Variants in APBB1 observed in about 807,000 individuals in gnomAD.
APBB1 encodes adaptor protein FE65a2.
A neutral mutation model predicts 78.4 loss-of-function variants in APBB1; 22 were observed. That is an observed-to-expected ratio of 0.28 (90% CI 0.20 to 0.40). The LOEUF is 0.40. Ranked by LOEUF, APBB1 falls within the 10% of genes least tolerant of loss-of-function variation. The probability of loss-of-function intolerance (pLI) is 1.00; values close to 1 mark genes in which losing one functional copy is unlikely to be tolerated. For synonymous variants in APBB1, 369 were observed against 372.7 expected (o/e 0.99, Z 0.12); for missense variants, 749 against 932.4 (o/e 0.80, Z 2.56).
At chr11:6,418,920 T>C in intron 1 of APBB1, 65 bp downstream of exon 1, 1 of 376,654 alleles carries the variant, frequency 2.7e-6, no homozygotes, top group Non-Finnish European at 4.7e-6. Flanking sequence ...GGCTACAGGG[T>C]CCGCCGGCCG....
chr11:6,412,946 G>A (rs528468303), intron 1 of APBB1, among the ~76,000 whole-genome samples: 1 of 151,848 alleles, frequency 6.6e-6, no homozygotes, highest in Non-Finnish European at 1.5e-5. Flanking sequence ...ACAGCCCTTC[G>A]TGGGTCAGTT....
At chr11:6,405,139 G>A in intron 2 of APBB1, 1 of 1,262,272 alleles carries the variant, frequency 7.9e-7, no homozygotes, top group Non-Finnish European at 1.0e-6. Flanking sequence ...TTACCTCAGT[G>A]CCTAAGCCAA....
At chr11:6,412,316 G>A (rs35893315) in intron 1 of APBB1, among the ~76,000 whole-genome samples, 14,016 of 152,080 alleles carry the variant, frequency 0.092, 804 homozygotes, top group Middle Eastern at 0.17. Flanking sequence ...CCACGCCCAG[G>A]TAATTTTTGT....
intron 12 of APBB1, among the ~76,000 whole-genome samples, chr11:6,397,815 A>C (rs1848310549): frequency 6.6e-6 from 1 of 152,254 alleles, no homozygotes; most frequent in Non-Finnish European, 1.5e-5. Flanking sequence ...TCTGCTGAAG[A>C]AATTCCAGAT....
intron 8 of APBB1, 23 bp from the exon 9 acceptor site, chr11:6,402,005 G>A (rs1174482840): frequency 1.3e-6 from 2 of 1,588,484 alleles, no homozygotes; most frequent in Non-Finnish European, 8.6e-7. Flanking sequence ...GCACAAGAGA[G>A]GCAAATAACA....
In APBB1 at chr11:6,410,898, C is replaced by A; in HGVS notation, c.450G>T (p.Glu150Asp). 3.7e-6 allele frequency: 6 copies of A among 1,614,164 alleles called. No homozygotes were observed. Among genetic ancestry groups the A allele is most frequent in the Non-Finnish European group, 5.1e-6 (6 of 1,180,032 alleles). ...STQEQGPDEG[E>D]EKAAGEAEEE... ...CCTCGGCCTCCCCGGCCGCCTTCTCCTCTCCCTCATCTGGCCCCTGCTCTT... is the reference window on the plus strand; with the variant it reads ...CCTCGGCCTCCCCGGCCGCCTTCTCATCTCCCTCATCTGGCCCCTGCTCTT... Residue 150 changes from glutamate (E) to aspartate (D), a missense_variant, in exon 2 of 15, where the codon GAG (glutamate) becomes GAT (aspartate). Glu to Asp is a conservative substitution (Grantham distance 45). This residue lies in a region of APBB1 where 635 missense variants were observed against 765.0 expected (regional missense o/e 0.83). Transcript: ENST00000609360.
At chr11:6,405,647 C>T (rs1590782419) in intron 2 of APBB1, 2 of 985,858 alleles carry the variant, frequency 2.0e-6, no homozygotes, top group African/African-American at 1.7e-5. Flanking sequence ...GCTTCACCAT[C>T]CTCAGCTTCC....
chr11:6,408,987 T>G (rs1249885933), intron 2 of APBB1, among the ~76,000 whole-genome samples: 1 of 152,134 alleles, frequency 6.6e-6, no homozygotes, highest in African/African-American at 2.4e-5. Flanking sequence ...TAAAGAATTA[T>G]TATTAAATTT....
Position 6,403,111 on chromosome 11 carries a change from C to G in APBB1, c.1104+34G>C. On this transcript the variant is annotated intron_variant, in intron 6 of 14. Coordinates refer to ENST00000609360, the MANE Select transcript of APBB1 (RefSeq NM_001164.5). This position sits in a 1 kb window ranked among gnomAD's most constrained non-coding sequence, Gnocchi z 5.3. ...GGGCTGTCTGACAAATAAGAGGGCC[C>G]CAGACTCAGAATGGGTGTCAGTCTT... is the stretch of plus-strand genomic sequence containing the variant. 1 of 1,579,398 alleles carries G rather than the reference C, an allele frequency of 6.3e-7. No homozygotes were observed. The highest frequency in any genetic ancestry group is 1.2e-5 in the South Asian group (1 of 84,616).
Position 6,418,565 on chromosome 11 carries a change from C to T in APBB1, c.-15+420G>A, listed in dbSNP as rs1849177100. ...CTGGGGACACAGCCGCCCCAGGGCA[C>T]ACCCCTCGGTCGCTGAGGGCAACAG... On this transcript the variant is annotated intron_variant, in intron 1 of 14. Transcript: ENST00000609360. 2.0e-5 allele frequency among the ~76,000 whole-genome samples: 3 copies of T among 152,204 alleles called. No homozygotes were observed. In the South Asian group the frequency reaches 6.2e-4, roughly 32 times the overall value.
chr11:6,416,192 C>T (rs979802993), intron 1 of APBB1, among the ~76,000 whole-genome samples: 11 of 152,124 alleles, frequency 7.2e-5, no homozygotes, highest in Non-Finnish European at 4.4e-5. Flanking sequence ...CTCTCATCTC[C>T]ACACTCCTCA....
chr11:6,399,285 A>C (rs1275930010), intron 12 of APBB1, among the ~76,000 whole-genome samples: 5 of 152,172 alleles, frequency 3.3e-5, no homozygotes, highest in African/African-American at 1.2e-4. Flanking sequence ...AGATCTGTGA[A>C]TCTAACTGCC....
intron 2 of APBB1, 38 bp downstream of exon 2, chr11:6,410,589 C>A (rs564889879): frequency 6.7e-7 from 1 of 1,499,622 alleles, no homozygotes; most frequent in East Asian, 2.3e-5. Flanking sequence ...TCTGCCCTCA[C>A]ACCCTCCCAC....
rs1218194209 is a variant in APBB1, at chr11:6,403,183, C to T, written c.1066G>A (p.Glu356Lys). ...TTGGTATTCCGTGGGGGAAGCTTCT[C>T]CTCCTCTTGGGGCAACGGCTCTGGG... ...LSPEPLPQEE[E>K]KLPPRNTNPG... is the part of the protein sequence containing the mutation. The change falls in exon 6 of 15, where the codon GAG (glutamate) becomes AAG (lysine). Residue 356 changes from glutamate (E) to lysine (K), a missense_variant. Around this residue, in one of 3 missense-constraint regions of APBB1, gnomAD observed 635 missense variants for 765.0 expected, o/e 0.83. Transcript: ENST00000609360. This position sits in a 1 kb window ranked among gnomAD's most constrained non-coding sequence, Gnocchi z 5.3. 1 of 1,613,480 alleles carries T rather than the reference C, an allele frequency of 6.2e-7. No individual in the cohort carries two copies. The highest frequency in any genetic ancestry group is 2.2e-5 in the East Asian group (1 of 44,876).
At chr11:6,402,279 C>A in intron 7 of APBB1, 70 bp from the exon 8 acceptor site, 2 of 1,581,948 alleles carry the variant, frequency 1.3e-6, no homozygotes. Flanking sequence ...ACCCCTGCAG[C>A]TCAGGGGATG....
chr11:6,410,226 T>A (rs1227358900), intron 2 of APBB1, among the ~76,000 whole-genome samples: 1 of 152,218 alleles, frequency 6.6e-6, no homozygotes, highest in East Asian at 1.9e-4. Context: ...AATCTCAGCC[T>A]GTCTGTGGTC....
At chr11:6,412,884 G>A (rs868309800) in intron 1 of APBB1, among the ~76,000 whole-genome samples, 4 of 152,040 alleles carry the variant, frequency 2.6e-5, no homozygotes, top group South Asian at 4.2e-4. Flanking sequence ...GTAAGAGGAC[G>A]TCCTGTTCCG....
chr11:6,412,966 C>G (rs1217404304), intron 1 of APBB1, among the ~76,000 whole-genome samples: 2 of 152,068 alleles, frequency 1.3e-5, no homozygotes, highest in African/African-American at 4.8e-5. Context: ...TTCTCCGCAA[C>G]CATTTGAGTC....
chr11:6,413,997 G>A (rs1849052277), intron 1 of APBB1, among the ~76,000 whole-genome samples: 1 of 151,984 alleles, frequency 6.6e-6, no homozygotes, highest in Non-Finnish European at 1.5e-5. Context: ...TCCAAAAATG[G>A]AAACCAGATT....
Sources: allele counts gnomAD v4.1 joint callset (sites outside exome capture counted in the v4.1 genomes callset), GRCh38; gene constraint gnomAD v4.1.1; regional missense constraint gnomAD v4.1.1; non-coding constraint Gnocchi (gnomAD v3.1); transcripts MANE v1.5; gene names NCBI Gene and HGNC (gene_info 2026-07-23, HGNC 2026-07-21).